The following ANKRD26 variants were observed in gnomAD, a reference collection of about 807,000 sequenced individuals.
ANKRD26 encodes the protein ankyrin repeat domain-containing protein 26.
ANKRD26 carries 141 observed loss-of-function variants against 208.7 expected under a neutral mutation model. That is an observed-to-expected ratio of 0.68 (90% CI 0.59 to 0.78). ANKRD26 has a LOEUF of 0.78. Among genes scored for constraint, ANKRD26 ranks in the 30% least tolerant of loss-of-function variants. The probability of loss-of-function intolerance (pLI) is 0.00; values close to 1 mark genes in which losing one functional copy is unlikely to be tolerated. For synonymous variants in ANKRD26, 636 were observed against 660.4 expected (o/e 0.96, Z 0.57); for missense variants, 1,889 against 1,938.7 (o/e 0.97, Z 0.48).
downstream of ANKRD26, among the ~76,000 whole-genome samples, chr10:26,972,105 G>T (rs1021762568): frequency 8.6e-5 from 13 of 151,768 alleles, no homozygotes; most frequent in Non-Finnish European, 1.5e-4. Context: ...CGTGGTGGCG[G>T]GCGCCTGTAG....
chr10:27,094,039 G>A (rs1002476807), intron 1 of ANKRD26, among the ~76,000 whole-genome samples: 1 of 152,106 alleles, frequency 6.6e-6, no homozygotes, highest in Non-Finnish European at 1.5e-5. Flanking sequence ...CCGTGCTGCT[G>A]CTCTTGTGAT....
At chr10:27,065,442 T>C (rs2055203813) in intron 11 of ANKRD26, among the ~76,000 whole-genome samples, 2 of 152,166 alleles carry the variant, frequency 1.3e-5, no homozygotes, top group South Asian at 4.1e-4. Flanking sequence ...CTCCAGTAAC[T>C]GTCTACTGAA....
At chr10:27,055,402 T>A (rs2054805427) in intron 15 of ANKRD26, among the ~76,000 whole-genome samples, 1 of 152,196 alleles carries the variant, frequency 6.6e-6, no homozygotes, top group Admixed American at 6.5e-5. Flanking sequence ...CAGTCACTAC[T>A]CTAGGGGATA....
chr10:26,997,007 G>A (rs1314972016), intron 4 of ANKRD26, among the ~76,000 whole-genome samples: 2 of 151,706 alleles, frequency 1.3e-5, no homozygotes, highest in East Asian at 3.9e-4. Flanking sequence ...GTTTGTTTTG[G>A]GTTGTTTTTG....
downstream of ANKRD26, among the ~76,000 whole-genome samples, chr10:27,003,772 G>A (rs909001712): frequency 6.6e-6 from 1 of 152,176 alleles, no homozygotes; most frequent in African/African-American, 2.4e-5. Flanking sequence ...TGGAGAGAAC[G>A]CCTACAAAAC....
rs184207908 is a variant in ANKRD26, at chr10:27,005,410, T to C, written c.*180A>G. 6.3e-5 allele frequency: 84 copies of C among 1,339,750 alleles called. 2 individuals carry two copies. In the East Asian group the frequency reaches 7.9e-4, roughly 13 times the overall value. 83.0% of individuals were successfully genotyped at this position (1,339,750 alleles called of 1,614,324 possible). On this transcript the variant is annotated 3_prime_UTR_variant, in exon 34 of 34. Coordinates refer to ENST00000376087, the MANE Select transcript of ANKRD26 (RefSeq NM_014915.3). ...TAAAACTCAATATTCCTGGTTTTCA[T>C]TGGCAAAATCCACTTAAAAGTTAAA...
Position 26,993,784 on chromosome 10 carries a change from C to T in ANKRD26, c.*29+1257G>A, listed in dbSNP as rs529005179. On this transcript the variant is annotated intron_variant, in intron 5 of 5. Transcript: ENST00000445828. ...CAGTCCTGACCATAGAAAGGAGATA[C>T]CCAACATGGAAGGCTGGAGCCATTG... 3.3e-5 allele frequency among the ~76,000 whole-genome samples: 5 copies of T among 152,238 alleles called. No individual in the cohort carries two copies. The South Asian group carries it at 8.3e-4, about 25-fold the overall frequency.
chr10:27,008,204 G>A (rs954311520), intron 32 of ANKRD26, among the ~76,000 whole-genome samples: 2 of 151,918 alleles, frequency 1.3e-5, no homozygotes, highest in Admixed American at 6.6e-5. Flanking sequence ...GTACTTTGTG[G>A]TGATAATGAT....
intron 27 of ANKRD26, among the ~76,000 whole-genome samples, chr10:27,026,664 C>G (rs1367128632): frequency 6.6e-6 from 1 of 152,148 alleles, no homozygotes; most frequent in Non-Finnish European, 1.5e-5. Context: ...GTGTGAATGA[C>G]CAGAGAATCC....
intron 29 of ANKRD26, among the ~76,000 whole-genome samples, chr10:27,019,197 A>G (rs2053405808): frequency 1.3e-5 from 2 of 152,076 alleles, no homozygotes; most frequent in South Asian, 2.1e-4. Context: ...GGAAAATGGC[A>G]TGAACCCAGG....
Position 27,097,115 on chromosome 10 carries a change from G to A in ANKRD26, c.242+2970C>T, listed in dbSNP as rs548589739. Among the ~76,000 whole-genome samples the A allele has an allele frequency of 2.2e-4, 34 of 151,992 alleles. 1 individual carries two copies. In the East Asian group the frequency reaches 6.6e-3, roughly 29 times the overall value. ...GAGAATTGCTTGAACCCAGGAGATG[G>A]ATGTTGCATTGAGCCGAGATCACAC... On this transcript the variant is annotated intron_variant, in intron 1 of 33. Coordinates refer to ENST00000376087, the MANE Select transcript of ANKRD26 (RefSeq NM_014915.3).
intron 1 of ANKRD26, among the ~76,000 whole-genome samples, chr10:27,097,537 G>T (rs1296688201): frequency 6.6e-6 from 1 of 151,896 alleles, no homozygotes; most frequent in African/African-American, 2.4e-5. Flanking sequence ...ATGAATAAAT[G>T]GATTGAAAGA....
chr10:27,061,299 A>G (rs2055046440), intron 12 of ANKRD26, 57 bp from the exon 13 acceptor site: 1 of 1,168,980 alleles, frequency 8.6e-7, no homozygotes, highest in Non-Finnish European at 1.2e-6. Context: ...AAAGGAAAAA[A>G]TTTAATTGCC....
chr10:27,014,296 T>TAA (rs76551877), intron 31 of ANKRD26, among the ~76,000 whole-genome samples, 198 bp downstream of exon 31: 2 of 141,072 alleles, frequency 1.4e-5, no homozygotes. Flanking sequence ...CATATAAAAT[T>TAA]AAAAAAAAAA....
At chr10:27,003,998 T>C (rs752879337), downstream of ANKRD26, 12 of 152,208 alleles carry the variant, frequency 7.9e-5, no homozygotes, top group Non-Finnish European at 1.6e-4. Flanking sequence ...ATATTAACAT[T>C]GAACCAGTGT....
At position 27,033,346 on chromosome 10, in the gene ANKRD26, G is replaced by C; in HGVS notation, c.3686C>G (p.Ala1229Gly). The C allele has an allele frequency of 6.2e-7, 1 of 1,610,410 alleles. No homozygotes were observed. The highest frequency in any genetic ancestry group is 8.5e-7 in the Non-Finnish European group (1 of 1,177,708). ...VVVRQLQQELADTLKKQSMSE... is the reference protein window; with the variant it reads ...VVVRQLQQELGDTLKKQSMSE... ...CATAGATTGTTTTTTTAGGGTATCA[G>C]CTAGTTCTTGTTGAAGTTGTCTCAC... Residue 1229 changes from alanine to glycine, a missense_variant, in exon 25 of 34, where the codon GCT becomes GGT. By Grantham distance (60) the Ala-to-Gly change is moderately conservative. Coordinates refer to ENST00000376087, the MANE Select transcript of ANKRD26 (RefSeq NM_014915.3).
chr10:27,036,673 A>T (rs1176894605), intron 23 of ANKRD26, among the ~76,000 whole-genome samples: 1 of 152,130 alleles, frequency 6.6e-6, no homozygotes, highest in African/African-American at 2.4e-5. Context: ...ATGGCATATC[A>T]TTGTTTCAAA....
intron 17 of ANKRD26, among the ~76,000 whole-genome samples, chr10:27,046,827 T>C (rs184186248): frequency 7.2e-5 from 11 of 152,142 alleles, no homozygotes; most frequent in Non-Finnish European, 1.3e-4. Context: ...AAGGTTGATA[T>C]ATGAAAAGAT....
At chr10:27,050,004 T>A (rs2054591066) in intron 16 of ANKRD26, among the ~76,000 whole-genome samples, 1 of 151,710 alleles carries the variant, frequency 6.6e-6, no homozygotes, top group Admixed American at 6.6e-5. Context: ...GCGTGGATCA[T>A]GAGGTCAGGA....
Sources: allele counts gnomAD v4.1 joint callset (sites outside exome capture counted in the v4.1 genomes callset), GRCh38; gene constraint gnomAD v4.1.1; transcripts MANE v1.5; gene names NCBI Gene and HGNC (gene_info 2026-07-23, HGNC 2026-07-21).